PRKCA: variants seen among roughly 807,000 people sequenced by gnomAD.
The protein encoded by PRKCA is protein kinase C alpha type.
Under a neutral mutation model 87.0 loss-of-function variants are expected in PRKCA, and 27 were observed. That is an observed-to-expected ratio of 0.31 (90% confidence interval 0.23 to 0.43). The LOEUF is 0.43. PRKCA is among the 20% of genes least tolerant of loss of function. The pLI, the probability that PRKCA is intolerant of heterozygous loss-of-function variation, is 1.00. For missense variants in PRKCA, 518 were observed against 852.3 expected, an observed-to-expected ratio of 0.61 and a Z score of 4.88; for synonymous variants, 329 against 311.1, an observed-to-expected ratio of 1.06 and a Z score of -0.61.
In PRKCA at chr17:66,789,119, T is replaced by G. The variant is rs1975471862; in HGVS notation, c.1854+140T>G. ...GAGGAAACGGGCCAGGTTTCAGCCT[T>G]GTCCTCAGTCCTGTGGCCTCAGCAG... On this transcript the variant is annotated intron_variant, in intron 16 of 16. Coordinates refer to ENST00000413366, the MANE Select transcript of PRKCA (RefSeq NM_002737.3). 3 of 1,069,182 alleles carry G rather than the reference T, an allele frequency of 2.8e-6. No homozygotes were observed. In the Admixed American group the frequency reaches 7.9e-5, roughly 28 times the overall value. The allele number at this position is 1,069,182 out of a possible 1,614,324, so 66.2% of individuals were successfully genotyped here.
intron 2 of PRKCA, among the ~76,000 whole-genome samples, chr17:66,373,587 T>G (rs903507738): frequency 2.0e-5 from 3 of 152,226 alleles, no homozygotes; most frequent in African/African-American, 4.8e-5. Context: ...CATTTTCTTT[T>G]TTCTTCCAAC....
chr17:66,522,999 G>A (rs945909272), intron 3 of PRKCA, among the ~76,000 whole-genome samples: 16 of 152,074 alleles, frequency 1.1e-4, no homozygotes, highest in African/African-American at 2.7e-4. Flanking sequence ...GGTGCCCTCC[G>A]GTTTCCAACA....
chr17:66,438,150 G>C (rs1226229767), intron 2 of PRKCA, among the ~76,000 whole-genome samples: 1 of 152,036 alleles, frequency 6.6e-6, no homozygotes, highest in African/African-American at 2.4e-5. Context: ...CCTTCTCCCT[G>C]CCCTTCATCT....
At chr17:66,802,987 C>T (rs1975933777) in intron 16 of PRKCA, among the ~76,000 whole-genome samples, 1 of 152,214 alleles carries the variant, frequency 6.6e-6, no homozygotes, top group Non-Finnish European at 1.5e-5. Flanking sequence ...GGGACTTCAA[C>T]ACGCCACTAC....
At chr17:66,791,709 G>A (rs1490062548) in intron 16 of PRKCA, among the ~76,000 whole-genome samples, 3 of 152,208 alleles carry the variant, frequency 2.0e-5, no homozygotes, top group African/African-American at 7.2e-5. Context: ...ACACGCTGGG[G>A]CAGAGACACC....
At chr17:66,319,248 G>C (rs9303504) in intron 2 of PRKCA, among the ~76,000 whole-genome samples, 89,533 of 151,976 alleles carry the variant, frequency 0.59, 26,455 homozygotes, top group South Asian at 0.64. Context: ...TTAATTTTCT[G>C]AGTAATATGA....
chr17:66,628,075 C>CT (rs1970908528), intron 3 of PRKCA, among the ~76,000 whole-genome samples: 1 of 151,962 alleles, frequency 6.6e-6, no homozygotes. Context: ...CACTTTTTAG[C>CT]TAAGATGTAA....
intron 3 of PRKCA, among the ~76,000 whole-genome samples, chr17:66,573,707 G>A (rs1298980772): frequency 6.6e-6 from 1 of 152,166 alleles, no homozygotes; most frequent in African/African-American, 2.4e-5. Context: ...TTTTTAACAA[G>A]CTATATCTAG....
chr17:66,647,793 C>T (rs552308851), intron 5 of PRKCA, among the ~76,000 whole-genome samples: 3 of 152,228 alleles, frequency 2.0e-5, no homozygotes, highest in South Asian at 4.2e-4. Context: ...GGTTGGATGT[C>T]GACTTTTTGC....
intron 2 of PRKCA, among the ~76,000 whole-genome samples, chr17:66,315,330 A>T (rs1021796983): frequency 6.6e-6 from 1 of 152,120 alleles, no homozygotes; most frequent in African/African-American, 2.4e-5. Context: ...TGGGGCTGGG[A>T]TTCAGACCTG....
At chr17:66,475,051 T>C (rs1480880896) in intron 2 of PRKCA, among the ~76,000 whole-genome samples, 1 of 152,200 alleles carries the variant, frequency 6.6e-6, no homozygotes, top group East Asian at 1.9e-4. Flanking sequence ...TTAATCCTTC[T>C]GGCAAATATC....
In PRKCA at chr17:66,488,670, T is replaced by C. The variant is rs572365316; in HGVS notation, c.206-7531T>C. On this transcript the variant is annotated intron_variant, in intron 2 of 16. Coordinates refer to ENST00000413366, the MANE Select transcript of PRKCA (RefSeq NM_002737.3). ...AGGGAAGAATTAAAGATGAATCTCC[T>C]AAAGAAGGGGGAAAGAGGCTTGCCT... is the stretch of plus-strand genomic sequence containing the variant. Among the ~76,000 whole-genome samples, 28 of 152,288 alleles carry C rather than the reference T, an allele frequency of 1.8e-4. No homozygotes were observed. The South Asian group carries it at 5.2e-3, about 28-fold the overall frequency.
At chr17:66,760,108 A>G (rs1040795733) in intron 13 of PRKCA, among the ~76,000 whole-genome samples, 2 of 152,250 alleles carry the variant, frequency 1.3e-5, no homozygotes, top group Non-Finnish European at 2.9e-5. Flanking sequence ...AATAACATAC[A>G]TTCTTCACAA....
chr17:66,586,981 C>G (rs568699469), intron 3 of PRKCA, among the ~76,000 whole-genome samples: 1 of 152,248 alleles, frequency 6.6e-6, no homozygotes, highest in South Asian at 2.1e-4. Flanking sequence ...TTATTGCCGC[C>G]ATGTTGCTCC....
chr17:66,370,530 AT>A (rs953325000), intron 2 of PRKCA, among the ~76,000 whole-genome samples: 35 of 113,302 alleles, frequency 3.1e-4, no homozygotes, highest in East Asian at 2.2e-3. Context: ...ATTTGATACT[AT>A]TTTTTTTCTT....
chr17:66,370,872 G>GT (rs1383416688), intron 2 of PRKCA, among the ~76,000 whole-genome samples: 1 of 152,152 alleles, frequency 6.6e-6, no homozygotes, highest in African/African-American at 2.4e-5. Context: ...AGAGCAGAGA[G>GT]TAAGCAGCAA....
chr17:66,805,078 C>T lies in PRKCA; in HGVS notation c.*1041C>T. The T allele has an allele frequency of 1.0e-6, 1 of 982,782 alleles. No homozygotes were observed. Among genetic ancestry groups the T allele is most frequent in the Non-Finnish European group, 1.2e-6 (1 of 827,506 alleles). The allele number at this position is 982,782 out of a possible 1,614,324, so 60.9% of individuals were successfully genotyped here. On this transcript the variant is annotated 3_prime_UTR_variant, in exon 17 of 17. Transcript: ENST00000413366. The stretch of plus-strand genomic sequence containing the variant: ...TGGAAGTGCTGACTCTAGCATCAGC[C>T]TCTACCGATTGATTTTCCTCCCTTC...
chr17:66,610,275 G>A (rs186811655), intron 3 of PRKCA, among the ~76,000 whole-genome samples: 5 of 152,274 alleles, frequency 3.3e-5, no homozygotes, highest in African/African-American at 1.2e-4. Context: ...CAAGGGATGT[G>A]AGGAGGGGCC....
intron 2 of PRKCA, among the ~76,000 whole-genome samples, chr17:66,388,151 G>A (rs1004583722): frequency 6.6e-6 from 1 of 151,852 alleles, no homozygotes; most frequent in Non-Finnish European, 1.5e-5. Context: ...GAGCCTGGAC[G>A]TGTCATGACA....
Sources: gnomAD v4.1 joint callset for allele counts (sites outside exome capture counted in the v4.1 genomes callset) on GRCh38, gnomAD v4.1.1 for gene constraint, MANE v1.5 for transcripts, NCBI Gene and HGNC (gene_info 2026-07-23, HGNC 2026-07-21) for gene names.